The following FBXO7 variants were observed in gnomAD, a reference collection of about 807,000 sequenced individuals.
FBXO7 encodes F-box protein 7.
A neutral mutation model predicts 50.2 loss-of-function variants in FBXO7; 31 were observed. The ratio of observed to expected loss-of-function variants is 0.62; its 90% CI spans 0.46 to 0.83. The LOEUF (loss-of-function observed/expected upper bound fraction) is 0.83. Among genes scored for constraint, FBXO7 ranks in the 40% least tolerant of loss-of-function variants. The pLI, the probability that FBXO7 is intolerant of heterozygous loss-of-function variation, is 0.00. For synonymous variants in FBXO7, 256 were observed against 253.1 expected (o/e 1.01, Z -0.11); for missense variants, 667 against 646.6 (o/e 1.03, Z -0.34).
At chr22:32,482,945 G>A (rs1214282487) in intron 2 of FBXO7, among the ~76,000 whole-genome samples, 1 of 152,186 alleles carries the variant, frequency 6.6e-6, no homozygotes, top group Non-Finnish European at 1.5e-5. Flanking sequence ...GCAGAGTTGT[G>A]GTCTGTGTTA....
At position 32,475,033 on chromosome 22, in the gene FBXO7, A is replaced by T. The variant is rs1187030123; in HGVS notation, c.31A>T (p.Thr11Ser). 4 of 1,542,110 alleles carry T rather than the reference A, an allele frequency of 2.6e-6. No homozygotes were observed. Among genetic ancestry groups the T allele is most frequent in the Non-Finnish European group, 3.5e-6 (4 of 1,145,650 alleles). Residue 11 changes from threonine (T) to serine (S), a missense_variant, in exon 1 of 9, where the codon ACC (threonine) becomes TCC (serine). Physicochemically the swap from Thr to Ser is moderately conservative, Grantham distance 58 (BLOSUM62 1). Coordinates refer to ENST00000266087, the MANE Select transcript of FBXO7 (RefSeq NM_012179.4). MRLRVRLLKR[T>S]WPLEVPETEP... ...GCTGCGGGTGCGGCTTCTGAAGCGG[A>T]CCTGGCCGCTGGAGGTGCCCGAGAC...
rs372713784 is a variant in FBXO7 at position 32,483,854 on chromosome 22, A to T, written c.418-43A>T. On this transcript the variant is annotated intron_variant, in intron 2 of 8. Coordinates refer to ENST00000266087, the MANE Select transcript of FBXO7 (RefSeq NM_012179.4). Reference sequence around the variant, plus strand: ...AGGATACAAAAATGTATAGTGTAAAAATAAGTCTTTAATTAATTCATTGTT... The same window carrying T: ...AGGATACAAAAATGTATAGTGTAAATATAAGTCTTTAATTAATTCATTGTT... The T allele has an allele frequency of 3.2e-3, 4,992 of 1,568,584 alleles. 14 individuals are homozygous for T. Among genetic ancestry groups the T allele is most frequent in the Non-Finnish European group, 4.1e-3 (4,636 of 1,138,946 alleles).
chr22:32,495,836 G>A (rs1205971055), intron 8 of FBXO7, among the ~76,000 whole-genome samples: 1 of 152,154 alleles, frequency 6.6e-6, no homozygotes, highest in African/African-American at 2.4e-5. Context: ...AGTTAAGATA[G>A]TACCTTATGA....
In FBXO7 at chr22:32,479,055, A is replaced by G; in HGVS notation, c.197A>G (p.Tyr66Cys). Residue 66 changes from tyrosine (Y) to cysteine (C), a missense_variant, in exon 2 of 9, where the codon TAT (tyrosine) becomes TGT (cysteine). Tyr to Cys is a radical substitution (Grantham distance 194, BLOSUM62 -2). Transcript: ENST00000266087. ...GGAGATGAAGAGACCTTGGCTTCAT[A>G]TGGGATTGTTTCTGGGGACTTGATA... ...LTGDEETLASYGIVSGDLICL... is the reference protein window; with the variant it reads ...LTGDEETLASCGIVSGDLICL... 1 of 1,614,202 alleles carries G rather than the reference A, an allele frequency of 6.2e-7. No individual in the cohort carries two copies. Among genetic ancestry groups the G allele is most frequent in the Non-Finnish European group, 8.5e-7 (1 of 1,180,020 alleles).
In FBXO7 at chr22:32,484,207, G is replaced by A. The variant is rs190085466; in HGVS notation, c.645+83G>A. On this transcript the variant is annotated intron_variant, in intron 3 of 8. Transcript: ENST00000266087. ...CCTGCTCTCAAGTTGCCCGTAGTCT[G>A]AGAGTGGCAGAGAGAGACAAAAATA... 1.2e-3 allele frequency: 1,355 copies of A among 1,164,798 alleles called. 2 individuals are homozygous for A. The highest frequency in any genetic ancestry group is 1.6e-3 in the Non-Finnish European group (1,240 of 774,898). 72.2% of individuals were successfully genotyped at this position (1,164,798 alleles called of 1,614,324 possible). A position where few individuals can be genotyped will look rare whatever the true frequency, so the allele number is the denominator to read the frequency against.
At chr22:32,486,580 T>G (rs544150947) in intron 4 of FBXO7, among the ~76,000 whole-genome samples, 2 of 152,136 alleles carry the variant, frequency 1.3e-5, no homozygotes, top group Non-Finnish European at 2.9e-5. Flanking sequence ...GAAGCAATAT[T>G]CCTGCCTTGA....
intron 2 of FBXO7, among the ~76,000 whole-genome samples, chr22:32,482,873 G>A (rs937956990): frequency 1.3e-5 from 2 of 152,208 alleles, no homozygotes; most frequent in Non-Finnish European, 2.9e-5. Flanking sequence ...ATGCAGATAT[G>A]TAATCAGAAA....
intron 2 of FBXO7, among the ~76,000 whole-genome samples, chr22:32,480,397 A>C (rs1291421136): frequency 6.6e-6 from 1 of 151,976 alleles, no homozygotes; most frequent in Non-Finnish European, 1.5e-5. Flanking sequence ...GTCATCTCCA[A>C]TCAGAACAGA....
Position 32,487,808 on chromosome 22 carries a change from T to G in FBXO7, c.851T>G (p.Phe284Cys), listed in dbSNP as rs139190776. ...VKRLQLLPES[F>C]ICKEKLGENV... is the part of the protein sequence containing the mutation. ...AGATTGCAGCTGCTACCAGAATCTT[T>G]TATTTGCAAAGAGAAACTAGGTAAT... The change falls in exon 5 of 9, where the codon TTT (phenylalanine) becomes TGT (cysteine). Residue 284 changes from phenylalanine to cysteine, a missense_variant. Phe to Cys is a radical substitution (Grantham distance 205). Coordinates refer to ENST00000266087, the MANE Select transcript of FBXO7 (RefSeq NM_012179.4). The G allele has an allele frequency of 3.1e-6, 5 of 1,607,816 alleles. No individual in the cohort carries two copies. The African/African-American group carries it at 6.7e-5, about 21-fold the overall frequency.
chr22:32,485,231 G>C lies in FBXO7; in HGVS notation c.787+22G>C, dbSNP rs773061837. 1.1e-5 allele frequency: 18 copies of C among 1,613,958 alleles called. No individual in the cohort carries two copies. The East Asian group carries it at 4.0e-4, about 36-fold the overall frequency. ...AATGGTAATTGGATAGCATAGTCAT[G>C]GTTGCTGGTTTATGGATTCTTAGAC... On this transcript the variant is annotated intron_variant, in intron 4 of 8. Transcript: ENST00000266087.
At position 32,490,894 on chromosome 22, in the gene FBXO7, T is replaced by C. The variant is rs1401444834; in HGVS notation, c.872-192T>C. On this transcript the variant is annotated intron_variant, in intron 5 of 8. Transcript: ENST00000266087. ...TACTAATTTGATATCATGGAATTTT[T>C]AGCTTTTATATCTAAGATTCAGTTT... The C allele has an allele frequency of 1.5e-5, 8 of 551,534 alleles. No homozygotes were observed. The East Asian group carries it at 1.6e-4, about 11-fold the overall frequency. The allele number at this position is 551,534 out of a possible 1,614,324, so 34.2% of individuals were successfully genotyped here. A position where few individuals can be genotyped will look rare whatever the true frequency, so the allele number is the denominator to read the frequency against.
chr22:32,483,907 G>A lies in FBXO7; in HGVS notation c.428G>A (p.Ser143Asn). The change falls in exon 3 of 9, where the codon AGT becomes AAT. Residue 143 changes from serine to asparagine, a missense_variant. By Grantham distance (46) the Ser-to-Asn change is conservative. Transcript: ENST00000266087. ...VWNDDSMLGP[S>N]QNFEAESIQD... The stretch of plus-strand genomic sequence containing the variant: ...GTTTTCCTTTTTCAGTTAGGGCCTA[G>A]TCAAAATTTTGAAGCTGAGTCAATT... The A allele has an allele frequency of 1.9e-6, 3 of 1,614,092 alleles. No homozygotes were observed. The highest frequency in any genetic ancestry group is 2.5e-6 in the Non-Finnish European group (3 of 1,179,970).
intron 1 of FBXO7, among the ~76,000 whole-genome samples, chr22:32,478,662 A>G (rs1018495846): frequency 4.6e-5 from 7 of 152,132 alleles, no homozygotes; most frequent in African/African-American, 1.4e-4. Flanking sequence ...TGAGGCTGCC[A>G]TGAGCTGTGA....
chr22:32,493,431 T>G, intron 7 of FBXO7, 150 bp downstream of exon 7: 1 of 709,054 alleles, frequency 1.4e-6, no homozygotes, highest in Admixed American at 2.2e-5. Flanking sequence ...CATATACCTG[T>G]GCCTGTGTCC....
chr22:32,485,302 T>C (rs1321394735), intron 4 of FBXO7, 93 bp downstream of exon 4: 3 of 1,471,796 alleles, frequency 2.0e-6, no homozygotes, highest in Non-Finnish European at 2.8e-6. Flanking sequence ...TTGGCTATCA[T>C]GATACAGTTG....
At chr22:32,494,129 AATATC>A (rs1438158358) in intron 7 of FBXO7, among the ~76,000 whole-genome samples, 2 of 146,426 alleles carry the variant, frequency 1.4e-5, no homozygotes, top group African/African-American at 2.5e-5. Flanking sequence ...AAAAAAAAAG[AATATC>A]ATGTAGAGTC....
rs769424883 is a variant in FBXO7, at chr22:32,483,887, C to T, written c.418-10C>T. 1.9e-6 allele frequency: 3 copies of T among 1,612,006 alleles called. No individual in the cohort carries two copies. Among genetic ancestry groups the T allele is most frequent in the East Asian group, 2.2e-5 (1 of 44,888 alleles). On this transcript the variant is annotated splice_polypyrimidine_tract_variant and intron_variant, in intron 2 of 8. Coordinates refer to ENST00000266087, the MANE Select transcript of FBXO7 (RefSeq NM_012179.4). The stretch of plus-strand genomic sequence containing the variant: ...TTTAATTAATTCATTGTTTTGTTTT[C>T]CTTTTTCAGTTAGGGCCTAGTCAAA...
At chr22:32,476,595 A>C (rs990737481) in intron 1 of FBXO7, among the ~76,000 whole-genome samples, 3 of 152,214 alleles carry the variant, frequency 2.0e-5, no homozygotes, top group Non-Finnish European at 4.4e-5. Flanking sequence ...GCAGTTTTAA[A>C]ATATGTCCAT....
chr22:32,492,143 A>G (rs1242258631), intron 6 of FBXO7: 3 of 152,256 alleles, frequency 2.0e-5, no homozygotes, highest in Non-Finnish European at 4.4e-5. Flanking sequence ...ATTGAGAACC[A>G]TAATACAATC....
Sources: gnomAD v4.1 joint callset for allele counts (sites outside exome capture counted in the v4.1 genomes callset) on GRCh38, gnomAD v4.1.1 for gene constraint, MANE v1.5 for transcripts, NCBI Gene and HGNC (gene_info 2026-07-23, HGNC 2026-07-21) for gene names.